The following PTPRR variants were observed in gnomAD, a reference collection of about 807,000 sequenced individuals.
The protein encoded by PTPRR is protein tyrosine phosphatase receptor type R, also known as receptor-type tyrosine-protein phosphatase R.
In PTPRR, 38 loss-of-function variants were observed where a neutral mutation model predicts 77.2. The observed-to-expected ratio is 0.49, with a 90% CI of 0.38 to 0.65. PTPRR has a LOEUF of 0.65. PTPRR is among the 30% of genes least tolerant of loss of function. The probability of loss-of-function intolerance (pLI) is 0.00; values close to 1 mark genes in which losing one functional copy is unlikely to be tolerated. For synonymous variants in PTPRR, 299 were observed against 283.1 expected (o/e 1.06, Z -0.57); for missense variants, 744 against 799.2 (o/e 0.93, Z 0.83).
At chr12:70,879,640 T>C (rs976546800) in intron 2 of PTPRR, among the ~76,000 whole-genome samples, 31 of 152,182 alleles carry the variant, frequency 2.0e-4, no homozygotes, top group African/African-American at 6.8e-4. Flanking sequence ...TGTAATTCTA[T>C]CTTAAGAAAT....
intron 2 of PTPRR, among the ~76,000 whole-genome samples, chr12:70,827,458 G>C (rs1262020970): frequency 6.6e-6 from 1 of 152,156 alleles, no homozygotes. Context: ...CTCGTTCATA[G>C]ACAGTTGTCT....
intron 2 of PTPRR, among the ~76,000 whole-genome samples, chr12:70,804,297 T>C (rs1247414534): frequency 6.6e-6 from 1 of 152,138 alleles, no homozygotes; most frequent in African/African-American, 2.4e-5. Context: ...GGCTCACTCC[T>C]GTGATCCCAG....
intron 2 of PTPRR, among the ~76,000 whole-genome samples, chr12:70,790,060 C>T (rs1445535672): frequency 1.3e-5 from 2 of 152,078 alleles, no homozygotes; most frequent in Non-Finnish European, 2.9e-5. Flanking sequence ...CTCATTCCTG[C>T]ATCATTAGTT....
intron 13 of PTPRR, among the ~76,000 whole-genome samples, chr12:70,640,204 C>A: frequency 6.6e-6 from 1 of 152,102 alleles, no homozygotes; most frequent in East Asian, 1.9e-4. Flanking sequence ...GAAAACGTCT[C>A]CTTAATTGCT....
rs935725388 is a variant in PTPRR at position 70,746,012 on chromosome 12, T to C, written c.813A>G (p.Leu271=). The change falls in exon 6 of 14, where the codon CTA becomes CTG. Residue 271 remains leucine, a synonymous_variant. Coordinates refer to ENST00000283228, the MANE Select transcript of PTPRR (RefSeq NM_002849.4). The part of the protein sequence containing the change: ...QDKEKNQEIH[L]SPITLQPALS... ...GTGCTGGCTGTAATGTGATGGGCGA[T>C]AGGTGGATCTCCTGGTTTTTCTCTT... 5.6e-6 allele frequency: 9 copies of C among 1,613,920 alleles called. No homozygotes were observed. The highest frequency in any genetic ancestry group is 7.6e-6 in the Non-Finnish European group (9 of 1,179,828).
chr12:70,746,264 C>T (rs1890212759), intron 5 of PTPRR, among the ~76,000 whole-genome samples, 178 bp from the exon 6 acceptor site: 1 of 152,104 alleles, frequency 6.6e-6, no homozygotes, highest in African/African-American at 2.4e-5. Flanking sequence ...CAAGACAGTA[C>T]ACTTGGTATT....
At chr12:70,815,124 ATAAG>A (rs1565706723) in intron 2 of PTPRR, among the ~76,000 whole-genome samples, 1 of 8,124 alleles carries the variant, frequency 1.2e-4, no homozygotes, top group African/African-American at 1.5e-4. Context: ...CTAAGGAGAG[ATAAG>A]ATATCAAAAA....
intron 2 of PTPRR, among the ~76,000 whole-genome samples, chr12:70,880,521 C>T (rs767176733): frequency 2.0e-5 from 3 of 152,038 alleles, no homozygotes; most frequent in Non-Finnish European, 4.4e-5. Flanking sequence ...TTTTTCATTG[C>T]ACTTAGCACT....
chr12:70,858,547 T>C (rs1892692379), intron 2 of PTPRR, among the ~76,000 whole-genome samples: 1 of 150,164 alleles, frequency 6.7e-6, no homozygotes, highest in Admixed American at 6.6e-5. Flanking sequence ...AACTATCAGG[T>C]TTCCTATTAG....
At chr12:70,791,965 A>C (rs1157451) in intron 2 of PTPRR, among the ~76,000 whole-genome samples, 142,818 of 152,222 alleles carry the variant, frequency 0.94, 67,230 homozygotes, top group Non-Finnish European at 0.98. Context: ...AGGAAAAAAA[A>C]CACAGTGATT....
intron 6 of PTPRR, among the ~76,000 whole-genome samples, chr12:70,723,993 A>G (rs187326972): frequency 6.6e-6 from 1 of 152,362 alleles, no homozygotes; most frequent in East Asian, 1.9e-4. Flanking sequence ...ACACAAAAAA[A>G]GATACAGATT....
At chr12:70,731,321 A>T (rs578120533) in intron 6 of PTPRR, among the ~76,000 whole-genome samples, 3 of 152,170 alleles carry the variant, frequency 2.0e-5, no homozygotes, top group Non-Finnish European at 4.4e-5. Context: ...AACATGTACA[A>T]ATAGGAAAGC....
At chr12:70,662,412 G>A (rs1295666744) in intron 11 of PTPRR, 83 bp downstream of exon 11, 1 of 699,472 alleles carries the variant, frequency 1.4e-6, no homozygotes, top group East Asian at 2.8e-5. Context: ...AATTGCATTT[G>A]TAGTACTTAA....
At chr12:70,833,122 T>C (rs1274896993) in intron 2 of PTPRR, among the ~76,000 whole-genome samples, 1 of 152,108 alleles carries the variant, frequency 6.6e-6, no homozygotes, top group Non-Finnish European at 1.5e-5. Context: ...GGGGATCACA[T>C]TTCAACATGA....
chr12:70,844,332 A>G (rs1892448296), intron 2 of PTPRR, among the ~76,000 whole-genome samples: 1 of 152,194 alleles, frequency 6.6e-6, no homozygotes, highest in Admixed American at 6.5e-5. Context: ...AGATGGGTCA[A>G]GGGTTATGTG....
At position 70,896,440 on chromosome 12, in the gene PTPRR, G is replaced by A. The variant is rs1021311368; in HGVS notation, c.59-3463C>T. Among the ~76,000 whole-genome samples the A allele has an allele frequency of 1.1e-4, 16 of 151,644 alleles. No homozygotes were observed. In the South Asian group the frequency reaches 2.3e-3, roughly 22 times the overall value. ...ACACCAGAATACACAATCTTTTCAC[G>A]TTCTTATGGGGTATTCATCTAGACA... On this transcript the variant is annotated intron_variant, in intron 1 of 13. Coordinates refer to ENST00000283228, the MANE Select transcript of PTPRR (RefSeq NM_002849.4).
chr12:70,663,320 C>T (rs180908213), intron 10 of PTPRR, among the ~76,000 whole-genome samples: 16 of 152,298 alleles, frequency 1.1e-4, no homozygotes, highest in South Asian at 2.1e-4. Context: ...GCTTTGAACT[C>T]GGAACCTGAG....
intron 10 of PTPRR, among the ~76,000 whole-genome samples, chr12:70,667,910 C>T (rs948342874): frequency 4.6e-5 from 7 of 152,006 alleles, no homozygotes; most frequent in Non-Finnish European, 1.0e-4. Context: ...AGCATGAATC[C>T]TTTAGTCTAC....
chr12:70,648,170 CCT>C (rs1460363819), intron 13 of PTPRR, among the ~76,000 whole-genome samples: 1 of 152,084 alleles, frequency 6.6e-6, no homozygotes, highest in Non-Finnish European at 1.5e-5. Flanking sequence ...GGAGATGTCC[CCT>C]TTTTTGGTTT....
Sources: allele counts gnomAD v4.1 joint callset (sites outside exome capture counted in the v4.1 genomes callset), GRCh38; gene constraint gnomAD v4.1.1; transcripts MANE v1.5; gene names NCBI Gene and HGNC (gene_info 2026-07-23, HGNC 2026-07-21).